Variants in ULK4 observed in about 807,000 individuals in gnomAD.
The protein encoded by ULK4 is inactive serine/threonine-protein kinase ULK4.
A neutral mutation model predicts 160.6 loss-of-function variants in ULK4; 133 were observed. The observed-to-expected ratio is 0.83, with a 90% CI of 0.72 to 0.96. The LOEUF is 0.96. Among genes scored for constraint, ULK4 ranks in the 40% least tolerant of loss-of-function variants. The pLI is 0.00. For synonymous variants in ULK4, 534 were observed against 539.8 expected (o/e 0.99, Z 0.15); for missense variants, 1,580 against 1,499.5 (o/e 1.05, Z -0.89).
chr3:41,499,726 A>T (rs1023396372), intron 32 of ULK4, among the ~76,000 whole-genome samples: 11 of 152,224 alleles, frequency 7.2e-5, no homozygotes, highest in Non-Finnish European at 1.6e-4. Flanking sequence ...GGAGCAAAAA[A>T]ATAACATGTG....
chr3:41,905,612 C>T (rs768334533), intron 12 of ULK4, among the ~76,000 whole-genome samples: 2 of 151,922 alleles, frequency 1.3e-5, no homozygotes, highest in Non-Finnish European at 2.9e-5. Context: ...GTAAAAAATT[C>T]TTACAACTAA....
intron 35 of ULK4, among the ~76,000 whole-genome samples, chr3:41,255,801 T>A (rs978423307): frequency 6.6e-6 from 1 of 152,160 alleles, no homozygotes; most frequent in Non-Finnish European, 1.5e-5. Context: ...TTCAATCTCT[T>A]CCAGCAATGT....
intron 1 of ULK4, among the ~76,000 whole-genome samples, chr3:41,959,801 C>T (rs1399060274): frequency 6.6e-6 from 1 of 151,988 alleles, no homozygotes; most frequent in African/African-American, 2.4e-5. Context: ...CATGGTGGTG[C>T]ATGCCTGTAG....
intron 19 of ULK4, among the ~76,000 whole-genome samples, chr3:41,808,556 CT>C (rs1328066747): frequency 1.3e-5 from 2 of 152,206 alleles, no homozygotes; most frequent in Non-Finnish European, 2.9e-5. Context: ...GATAACTGAG[CT>C]AATGCCTATT....
At chr3:41,735,893 C>T (rs957208234) in intron 22 of ULK4, among the ~76,000 whole-genome samples, 2 of 133,018 alleles carry the variant, frequency 1.5e-5, no homozygotes, top group Admixed American at 8.3e-5. Flanking sequence ...TTCCTGTGTC[C>T]ATGTGTTCTC....
intron 32 of ULK4, among the ~76,000 whole-genome samples, chr3:41,489,626 G>C (rs1431682754): frequency 6.6e-6 from 1 of 152,036 alleles, no homozygotes; most frequent in Non-Finnish European, 1.5e-5. Flanking sequence ...CATCTGTCCA[G>C]GCACTATCTG....
intron 17 of ULK4, among the ~76,000 whole-genome samples, chr3:41,847,462 AC>A (rs1031256004): frequency 4.5e-4 from 68 of 152,350 alleles, no homozygotes; most frequent in African/African-American, 1.6e-3. Flanking sequence ...GTTTTACTAG[AC>A]CAAAGGGACG....
At position 41,916,292 on chromosome 3, in the gene ULK4, C is replaced by T. The variant is rs537940824; in HGVS notation, c.728-240G>A. On this transcript the variant is annotated intron_variant, in intron 7 of 36. Transcript: ENST00000301831. ...GATCACAAAAAAGAAATGTAAATCT[C>T]AAAAACTAAGTCTTAACAAACCTCT... Among the ~76,000 whole-genome samples, 56 of 152,272 alleles carry T rather than the reference C, an allele frequency of 3.7e-4. 1 individual carries two copies. The highest frequency in any genetic ancestry group is 1.3e-3 in the African/African-American group (52 of 41,558).
chr3:41,783,468 G>A (rs1286838841), intron 21 of ULK4, among the ~76,000 whole-genome samples: 3 of 151,438 alleles, frequency 2.0e-5, no homozygotes, highest in East Asian at 1.9e-4. Flanking sequence ...ACCAGGAGGC[G>A]AAGGTTGCAG....
intron 35 of ULK4, among the ~76,000 whole-genome samples, chr3:41,390,582 G>T (rs1427435260): frequency 6.6e-6 from 1 of 152,032 alleles, no homozygotes; most frequent in African/African-American, 2.4e-5. Context: ...GTTCTCGTTG[G>T]TTTCAAAGAA....
rs1373486464 is a variant in ULK4, at chr3:41,663,695, C to T, written c.2983G>A (p.Glu995Lys). The T allele has an allele frequency of 1.2e-6, 2 of 1,613,492 alleles. No homozygotes were observed. The highest frequency in any genetic ancestry group is 1.7e-6 in the Non-Finnish European group (2 of 1,179,560). The change falls in exon 30 of 37, where the codon GAG (glutamate) becomes AAG (lysine). Residue 995 changes from glutamate (E) to lysine (K), a missense_variant. Glu to Lys is a moderately conservative substitution (Grantham distance 56). Transcript: ENST00000301831. ...GGGTCAGGTTCTAAAAGAATGTGCTCATACCTGAAATGGTAAAGACATTTA... is the reference window on the plus strand; with the variant it reads ...GGGTCAGGTTCTAAAAGAATGTGCTTATACCTGAAATGGTAAAGACATTTA... ...LIRDVLLPQY[E>K]HILLEPDPVP...
chr3:41,281,888 A>G (rs1359976681), intron 35 of ULK4, among the ~76,000 whole-genome samples: 1 of 152,232 alleles, frequency 6.6e-6, no homozygotes, highest in Non-Finnish European at 1.5e-5. Flanking sequence ...ACATGATTGT[A>G]TATTTAGAAA....
chr3:41,413,869 T>C (rs1003495585), intron 34 of ULK4, among the ~76,000 whole-genome samples: 1 of 152,154 alleles, frequency 6.6e-6, no homozygotes, highest in African/African-American at 2.4e-5. Context: ...AGCGCCCAGA[T>C]ACCTTTGAAC....
At chr3:41,911,077 C>G (rs903459526) in intron 11 of ULK4, among the ~76,000 whole-genome samples, 3 of 152,140 alleles carry the variant, frequency 2.0e-5, no homozygotes, top group Admixed American at 6.5e-5. Flanking sequence ...TAATGAGTTG[C>G]TTTGGTAAAA....
intron 11 of ULK4, 99 bp downstream of exon 11, chr3:41,911,218 C>T: frequency 2.5e-6 from 3 of 1,181,786 alleles, no homozygotes; most frequent in Non-Finnish European, 3.6e-6. Flanking sequence ...AATTCCTGTT[C>T]TTTATCTCTG....
At chr3:41,532,513 A>C (rs1303609279) in intron 32 of ULK4, among the ~76,000 whole-genome samples, 1 of 152,156 alleles carries the variant, frequency 6.6e-6, no homozygotes, top group African/African-American at 2.4e-5. Context: ...AAGCTCCATG[A>C]AGGCAGGGAT....
At chr3:41,728,185 C>CAATT (rs1448690419) in intron 22 of ULK4, among the ~76,000 whole-genome samples, 1 of 152,106 alleles carries the variant, frequency 6.6e-6, no homozygotes, top group Non-Finnish European at 1.5e-5. Flanking sequence ...GTATTTAAGG[C>CAATT]AATTGTCTTG....
At chr3:41,918,762 C>T (rs1699065225) in intron 6 of ULK4, among the ~76,000 whole-genome samples, 2 of 152,004 alleles carry the variant, frequency 1.3e-5, no homozygotes, top group Admixed American at 6.6e-5. Flanking sequence ...CTGCCACGCC[C>T]AGCTAATTTT....
rs938977879 is a variant in ULK4, at chr3:41,740,276, AT to A, written c.2321+14084del. 2.1e-4 allele frequency among the ~76,000 whole-genome samples: 32 copies of A among 151,448 alleles called. No homozygotes were observed. In the East Asian group the frequency reaches 4.8e-3, roughly 23 times the overall value. ...AATATTTCTTTTAAAATCAAAGCAG[AT>A]TTTTTTTTATTTCACTGATTACCAC... On this transcript the variant is annotated intron_variant, in intron 22 of 36. Coordinates refer to ENST00000301831, the MANE Select transcript of ULK4 (RefSeq NM_017886.4).
Sources: allele counts gnomAD v4.1 joint callset (sites outside exome capture counted in the v4.1 genomes callset), GRCh38; gene constraint gnomAD v4.1.1; transcripts MANE v1.5; gene names NCBI Gene and HGNC (gene_info 2026-07-23, HGNC 2026-07-21).